PGCKA1: variants seen among roughly 807,000 people sequenced by gnomAD.
The protein encoded by PGCKA1 is PDCD10 and GCKIII kinases-associated protein 1.
the PGCKA1 span, among the ~76,000 whole-genome samples, chr4:37,524,437 T>C: frequency 1.3e-5 from 2 of 152,212 alleles, no homozygotes; most frequent in African/African-American, 4.8e-5. Flanking sequence ...CACCAGGGCC[T>C]CACCACAGGG....
chr4:37,505,557 G>A, the PGCKA1 span, among the ~76,000 whole-genome samples: 2 of 152,166 alleles, frequency 1.3e-5, no homozygotes, highest in Non-Finnish European at 2.9e-5. Flanking sequence ...CATGGCTGGG[G>A]AGGCCTCACA....
At chr4:37,530,972 G>A in the PGCKA1 span, among the ~76,000 whole-genome samples, 1 of 151,972 alleles carries the variant, frequency 6.6e-6, no homozygotes, top group African/African-American at 2.4e-5. Flanking sequence ...GCGACAGAAC[G>A]AGACTCTGTC....
the PGCKA1 span, among the ~76,000 whole-genome samples, chr4:37,523,710 C>A: frequency 6.6e-6 from 1 of 152,126 alleles, no homozygotes; most frequent in Non-Finnish European, 1.5e-5. Flanking sequence ...TTTGTTCAGT[C>A]GGCTATAGCA....
the PGCKA1 span, among the ~76,000 whole-genome samples, chr4:37,475,756 A>G: frequency 6.6e-6 from 1 of 152,132 alleles, no homozygotes; most frequent in African/African-American, 2.4e-5. Context: ...ATTACAGGAT[A>G]GATTTCTAGA....
At chr4:37,590,892 C>T in the PGCKA1 span, 99 of 1,614,160 alleles carry the variant, frequency 6.1e-5, 1 homozygote, top group African/African-American at 9.1e-4. Context: ...CCCATGGCTC[C>T]GATGGAGATG....
At chr4:37,571,638 C>T in the PGCKA1 span, among the ~76,000 whole-genome samples, 3 of 152,014 alleles carry the variant, frequency 2.0e-5, no homozygotes, top group East Asian at 3.9e-4. Context: ...CCCAGGTTCA[C>T]ACCATTCTCC....
chr4:37,573,236 A>T, the PGCKA1 span, among the ~76,000 whole-genome samples: 1 of 152,236 alleles, frequency 6.6e-6, no homozygotes, highest in Non-Finnish European at 1.5e-5. Flanking sequence ...AGATTTAAAA[A>T]TCTACAAATC....
chr4:37,550,292 T>C, the PGCKA1 span, among the ~76,000 whole-genome samples: 1 of 152,122 alleles, frequency 6.6e-6, no homozygotes, highest in Non-Finnish European at 1.5e-5. Context: ...AATTTGATGC[T>C]TGTGCTTCTA....
At chr4:37,464,597 G>A in the PGCKA1 span, among the ~76,000 whole-genome samples, 6 of 152,282 alleles carry the variant, frequency 3.9e-5, no homozygotes, top group South Asian at 1.2e-3. Context: ...GAAAGAATGA[G>A]GGAGGGGCTC....
the PGCKA1 span, among the ~76,000 whole-genome samples, chr4:37,569,944 T>A: frequency 6.6e-6 from 1 of 151,638 alleles, no homozygotes; most frequent in Non-Finnish European, 1.5e-5. Flanking sequence ...AATGGACTAT[T>A]TGATGGTGCT....
At chr4:37,528,444 T>G in the PGCKA1 span, among the ~76,000 whole-genome samples, 1 of 152,210 alleles carries the variant, frequency 6.6e-6, no homozygotes, top group Non-Finnish European at 1.5e-5. Context: ...ATTGCATAAC[T>G]GTGTGAAGTT....
chr4:37,587,916 C>T, the PGCKA1 span, among the ~76,000 whole-genome samples: 1 of 152,094 alleles, frequency 6.6e-6, no homozygotes, highest in Non-Finnish European at 1.5e-5. Flanking sequence ...TTGCAGTGAG[C>T]CGAGATTGCG....
chr4:37,527,955 A>C, the PGCKA1 span, among the ~76,000 whole-genome samples: 1 of 152,246 alleles, frequency 6.6e-6, no homozygotes, highest in African/African-American at 2.4e-5. Context: ...AGGCTACACC[A>C]TCTAGATTTG....
chr4:37,454,256 G>T, the PGCKA1 span, among the ~76,000 whole-genome samples: 5 of 152,060 alleles, frequency 3.3e-5, no homozygotes, highest in African/African-American at 1.2e-4. Context: ...CTCTAAAAGG[G>T]GCAAAACTCG....
chr4:37,539,059 GA>G, the PGCKA1 span, among the ~76,000 whole-genome samples: 66 of 152,198 alleles, frequency 4.3e-4, no homozygotes, highest in African/African-American at 1.5e-3. Context: ...TGTGTGTTTG[GA>G]GTTCCAAGCT....
chr4:37,534,343 C>T, the PGCKA1 span, among the ~76,000 whole-genome samples: 1 of 152,142 alleles, frequency 6.6e-6, no homozygotes, highest in Non-Finnish European at 1.5e-5. Context: ...GGGGCCTTGA[C>T]TAGAGTTACC....
chr4:37,566,212 G>A, the PGCKA1 span, among the ~76,000 whole-genome samples: 110 of 151,764 alleles, frequency 7.2e-4, no homozygotes, highest in African/African-American at 2.4e-3. Flanking sequence ...TAACCTTGCC[G>A]CATAGCACAA....
At chr4:37,453,750 T>G in the PGCKA1 span, among the ~76,000 whole-genome samples, 1 of 152,094 alleles carries the variant, frequency 6.6e-6, no homozygotes, top group Admixed American at 6.5e-5. Flanking sequence ...CGCCCGGGAC[T>G]GCCACCCCGG....
At chr4:37,469,519 G>C in the PGCKA1 span, among the ~76,000 whole-genome samples, 1 of 152,068 alleles carries the variant, frequency 6.6e-6, no homozygotes, top group East Asian at 1.9e-4. Flanking sequence ...ACACCCCAGT[G>C]GATCTTAGAA....
Sources: allele counts gnomAD v4.1 joint callset (sites outside exome capture counted in the v4.1 genomes callset), GRCh38; gene constraint gnomAD v4.1.1; transcripts MANE v1.5; gene names NCBI Gene and HGNC (gene_info 2026-07-23, HGNC 2026-07-21).